The following UBAP2 variants were observed in gnomAD, a reference collection of about 807,000 sequenced individuals.
The protein encoded by UBAP2 is ubiquitin-associated protein 2.
Under a neutral mutation model 139.6 loss-of-function variants are expected in UBAP2, and 75 were observed. The observed-to-expected ratio is 0.54, with a 90% confidence interval of 0.45 to 0.65. The LOEUF is 0.65. Ranked by LOEUF, UBAP2 falls within the 30% of genes least tolerant of loss-of-function variation. The pLI is 0.00. For missense variants in UBAP2, 1,368 were observed against 1,369.6 expected, an observed-to-expected ratio of 1.00 and a Z score of 0.02; for synonymous variants, 526 against 526.2, an observed-to-expected ratio of 1.00 and a Z score of 0.01.
chr9:33,981,990 A>G (rs979259391), intron 6 of UBAP2, among the ~76,000 whole-genome samples: 7 of 152,110 alleles, frequency 4.6e-5, no homozygotes, highest in African/African-American at 1.7e-4. Flanking sequence ...TCTCTTCAGG[A>G]TACTGGTGAG....
chr9:33,974,921 G>C (rs1828183810), intron 6 of UBAP2, among the ~76,000 whole-genome samples: 1 of 123,082 alleles, frequency 8.1e-6, no homozygotes, highest in African/African-American at 3.0e-5. Flanking sequence ...CTGGTTAACA[G>C]CGTGAGACTA....
At chr9:33,988,639 A>G (rs1456551635) in intron 5 of UBAP2, among the ~76,000 whole-genome samples, 2 of 152,164 alleles carry the variant, frequency 1.3e-5, no homozygotes, top group Admixed American at 6.5e-5. Context: ...TGTCTGACTC[A>G]TAACAGAAGG....
intron 2 of UBAP2, among the ~76,000 whole-genome samples, chr9:34,007,985 A>G (rs994874062): frequency 6.6e-6 from 1 of 152,038 alleles, no homozygotes; most frequent in African/African-American, 2.4e-5. Context: ...ATTGAGTTGC[A>G]TATGCTGAAC....
intron 4 of UBAP2, among the ~76,000 whole-genome samples, chr9:33,989,413 T>G (rs543487387): frequency 1.8e-4 from 28 of 152,168 alleles, no homozygotes; most frequent in South Asian, 1.5e-3. Context: ...GTGTTAGCCA[T>G]GATGGTCTCG....
chr9:34,038,400 G>A (rs977939300), intron 1 of UBAP2, among the ~76,000 whole-genome samples: 12 of 152,120 alleles, frequency 7.9e-5, no homozygotes, highest in Admixed American at 2.6e-4. Flanking sequence ...CTCCTGCCTC[G>A]GCCTGCCAAG....
rs200197460 is a variant in UBAP2, at chr9:33,973,209, T to C, written c.549A>G (p.Ala183=). ...CCATGCCTTGGGTTGAGAACCTTCC[T>C]GCCCCTCTCCCTCTGCCACGTCCAA... ...RGFGRGRGRG[A]GRFSTQGMGT... is the part of the protein sequence containing the mutation. Residue 183 remains alanine, a synonymous_variant, in exon 7 of 29, where the codon GCA becomes GCG. Transcript: ENST00000379238. 2.8e-5 allele frequency: 46 copies of C among 1,614,052 alleles called. No individual in the cohort carries two copies. In the African/African-American group the frequency reaches 5.1e-4, roughly 18 times the overall value.
At chr9:33,955,996 C>A in intron 11 of UBAP2, 83 bp downstream of exon 11, 9 of 1,097,434 alleles carry the variant, frequency 8.2e-6, no homozygotes, top group South Asian at 3.0e-5. Flanking sequence ...AGAAAGAGAC[C>A]CAAAAATGAA....
chr9:34,039,543 T>C (rs1826847146), intron 1 of UBAP2, among the ~76,000 whole-genome samples: 1 of 152,186 alleles, frequency 6.6e-6, no homozygotes, highest in Admixed American at 6.6e-5. Context: ...TGTTAATCTA[T>C]AACCTTACCC....
In UBAP2 at chr9:33,923,843, G is replaced by A. The variant is rs756908973; in HGVS notation, c.2748C>T (p.Pro916=). 15 of 1,614,110 alleles carry A rather than the reference G, an allele frequency of 9.3e-6. No individual in the cohort carries two copies. Among genetic ancestry groups the A allele is most frequent in the Middle Eastern group, 1.6e-4 (1 of 6,084 alleles). ...AGGCACTGGGCATGCCTGTGTAGTA[G>A]GGAAGACCAGTGTAGCTATAGCCAG... ...LPPGYSYTGL[P]YYTGMPSAFQ... is the part of the protein sequence containing the mutation. Residue 916 remains proline, a synonymous_variant, in exon 24 of 29, where the codon CCC becomes CCT. Transcript: ENST00000379238.
intron 19 of UBAP2, chr9:33,928,744 C>T (rs1823707542): frequency 6.6e-6 from 1 of 152,464 alleles, no homozygotes; most frequent in South Asian, 2.1e-4. Flanking sequence ...GGGGGCACAC[C>T]TAGGTGGACA....
At chr9:34,026,281 T>C (rs781033276) in intron 1 of UBAP2, among the ~76,000 whole-genome samples, 2 of 152,222 alleles carry the variant, frequency 1.3e-5, no homozygotes, top group Non-Finnish European at 2.9e-5. Context: ...GATTGGAAGA[T>C]AGTTCTAAAA....
chr9:33,929,828 C>T (rs544280573), intron 19 of UBAP2, among the ~76,000 whole-genome samples: 5 of 152,176 alleles, frequency 3.3e-5, no homozygotes, highest in Non-Finnish European at 7.4e-5. Context: ...ACAGTGAAAC[C>T]CTGCCTCTAT....
At chr9:33,944,780 A>AC in intron 13 of UBAP2, 141 bp from the exon 14 acceptor site, 1 of 973,488 alleles carries the variant, frequency 1.0e-6, no homozygotes, top group Non-Finnish European at 1.5e-6. Context: ...TATGTGTAAC[A>AC]CTTCATTTAT....
At chr9:34,008,961 CAAAAAA>C (rs773189067) in intron 2 of UBAP2, among the ~76,000 whole-genome samples, 12 of 65,708 alleles carry the variant, frequency 1.8e-4, no homozygotes, top group Admixed American at 2.3e-4. Context: ...GAGACTGTCT[CAAAAAA>C]AAAAAAAAAA....
chr9:33,986,840 A>T lies in UBAP2; in HGVS notation c.443-3T>A. 6.2e-7 allele frequency: 1 copy of T among 1,613,740 alleles called. No homozygotes were observed. Among genetic ancestry groups the T allele is most frequent in the Non-Finnish European group, 8.5e-7 (1 of 1,179,722 alleles). On this transcript the variant is annotated splice_region_variant and splice_polypyrimidine_tract_variant and intron_variant, in intron 5 of 28. Coordinates refer to ENST00000379238, the MANE Select transcript of UBAP2 (RefSeq NM_001370062.2). The stretch of plus-strand genomic sequence containing the variant: ...AATTCCATTTTCTTCACCTCTAACT[A>T]GGGGGAAAAGAGCAGAAAAATCAAA...
intron 17 of UBAP2, among the ~76,000 whole-genome samples, chr9:33,935,171 G>GA (rs1824365092): frequency 7.0e-6 from 1 of 143,480 alleles, no homozygotes; most frequent in Non-Finnish European, 1.6e-5. Flanking sequence ...GGCGGGGGGG[G>GA]GGGGTCTCAT....
chr9:33,940,403 C>T (rs569262009), intron 16 of UBAP2, among the ~76,000 whole-genome samples: 14 of 152,148 alleles, frequency 9.2e-5, no homozygotes, highest in African/African-American at 3.1e-4. Flanking sequence ...AAAATTTACT[C>T]AGAAACCTTG....
intron 1 of UBAP2, among the ~76,000 whole-genome samples, chr9:34,045,504 G>T (rs1269095061): frequency 6.6e-6 from 1 of 152,034 alleles, no homozygotes; most frequent in Non-Finnish European, 1.5e-5. Flanking sequence ...CTCTGGAGCA[G>T]CTGGGACTAC....
intron 1 of UBAP2, among the ~76,000 whole-genome samples, chr9:34,036,159 G>C (rs1289624836): frequency 6.7e-6 from 1 of 150,230 alleles, no homozygotes; most frequent in Non-Finnish European, 1.5e-5. Context: ...TTGTTGCCCA[G>C]GCTGGAGTAC....
Sources: gnomAD v4.1 joint callset for allele counts (sites outside exome capture counted in the v4.1 genomes callset) on GRCh38, gnomAD v4.1.1 for gene constraint, MANE v1.5 for transcripts, NCBI Gene and HGNC (gene_info 2026-07-23, HGNC 2026-07-21) for gene names.